Variants in DOCK5 observed in about 807,000 individuals in gnomAD.
DOCK5 encodes dedicator of cytokinesis 5, also known as dedicator of cytokinesis protein 5.
In DOCK5, 142 loss-of-function variants were observed where a neutral mutation model predicts 251.8. The ratio of observed to expected loss-of-function variants is 0.56; its 90% CI spans 0.49 to 0.65. DOCK5 has a LOEUF of 0.65. Ranked by LOEUF, DOCK5 falls within the 30% of genes least tolerant of loss-of-function variation. The pLI is 0.00. For synonymous variants in DOCK5, 842 were observed against 835.5 expected (o/e 1.01, Z -0.13); for missense variants, 2,111 against 2,312.3 (o/e 0.91, Z 1.79).
intron 1 of DOCK5, among the ~76,000 whole-genome samples, chr8:25,219,538 G>A (rs915921899): frequency 1.3e-5 from 2 of 152,114 alleles, no homozygotes; most frequent in African/African-American, 4.8e-5. Context: ...ATTGCATCCT[G>A]TAGTAACTCT....
chr8:25,268,356 T>G (rs554057541), intron 2 of DOCK5, among the ~76,000 whole-genome samples: 27 of 152,278 alleles, frequency 1.8e-4, no homozygotes, highest in Middle Eastern at 3.4e-3. Context: ...CTAGTTCAAT[T>G]TAAAATTTTT....
At chr8:25,410,024 C>A in intron 50 of DOCK5, 75 bp from the exon 51 acceptor site, 1 of 1,264,360 alleles carries the variant, frequency 7.9e-7, no homozygotes, top group Non-Finnish European at 1.1e-6. Flanking sequence ...TTAGGTGTTA[C>A]AGTGCCAGCA....
rs537974466 is a variant in DOCK5, at chr8:25,366,734, A to G, written c.3124-136A>G. ...TTTTAGGATTGAATAATCAAAACCT[A>G]AGAAGAATGTAGATTGTATTTTGTT... is the stretch of plus-strand genomic sequence containing the variant. On this transcript the variant is annotated intron_variant, in intron 30 of 51. Coordinates refer to ENST00000276440, the MANE Select transcript of DOCK5 (RefSeq NM_024940.8). 15 of 619,996 alleles carry G rather than the reference A, an allele frequency of 2.4e-5. No individual in the cohort carries two copies. The African/African-American group carries it at 2.8e-4, about 11-fold the overall frequency. 38.4% of individuals were successfully genotyped at this position (619,996 alleles called of 1,614,324 possible).
At chr8:25,269,549 A>C (rs1336114772) in intron 3 of DOCK5, among the ~76,000 whole-genome samples, 1 of 152,220 alleles carries the variant, frequency 6.6e-6, no homozygotes, top group East Asian at 1.9e-4. Context: ...TTTACTGTGC[A>C]ACAAAGGCAC....
chr8:25,344,383 G>A (rs1188605104), intron 25 of DOCK5, among the ~76,000 whole-genome samples: 2 of 152,184 alleles, frequency 1.3e-5, no homozygotes, highest in Non-Finnish European at 2.9e-5. Context: ...GGGGCTCCCA[G>A]AGTGTAACCT....
intron 1 of DOCK5, among the ~76,000 whole-genome samples, chr8:25,225,476 G>A (rs1282561558): frequency 6.6e-6 from 1 of 152,178 alleles, no homozygotes; most frequent in East Asian, 1.9e-4. Flanking sequence ...GGAGGCCAAG[G>A]CAGGCGGATC....
chr8:25,227,729 T>C (rs1802567491), intron 1 of DOCK5, among the ~76,000 whole-genome samples: 1 of 152,226 alleles, frequency 6.6e-6, no homozygotes, highest in Non-Finnish European at 1.5e-5. Flanking sequence ...GTGTATGTAT[T>C]TGTATGTCTC....
At chr8:25,372,118 G>A (rs1183737977) in intron 34 of DOCK5, among the ~76,000 whole-genome samples, 1 of 152,226 alleles carries the variant, frequency 6.6e-6, no homozygotes, top group Non-Finnish European at 1.5e-5. Flanking sequence ...ATGTTCAGAG[G>A]ATGCCCTGAG....
intron 27 of DOCK5, 109 bp from the exon 28 acceptor site, chr8:25,358,854 C>T: frequency 1.1e-6 from 1 of 874,108 alleles, no homozygotes; most frequent in Non-Finnish European, 1.9e-6. Flanking sequence ...TGGTGGGATA[C>T]CTGCGTGGCT....
Position 25,395,702 on chromosome 8 carries a change from T to A in DOCK5, c.4687T>A (p.Phe1563Ile). ...GIVDPAVMGG[F>I]SNYEKAFFTE... ...CGTGGACCCGGCCGTCATGGGGGGC[T>A]TCTCCAACTATGAAAAGGTTCGCTT... Residue 1563 changes from phenylalanine (F) to isoleucine (I), a missense_variant, in exon 45 of 52, where the codon TTC (phenylalanine) becomes ATC (isoleucine). By Grantham distance (21) the Phe-to-Ile change is conservative (BLOSUM62 0). Coordinates refer to ENST00000276440, the MANE Select transcript of DOCK5 (RefSeq NM_024940.8). 10 of 1,613,746 alleles carry A rather than the reference T, an allele frequency of 6.2e-6. No homozygotes were observed. Among genetic ancestry groups the A allele is most frequent in the Non-Finnish European group, 7.6e-6 (9 of 1,179,800 alleles).
At chr8:25,232,517 G>A (rs1046319998) in intron 1 of DOCK5, among the ~76,000 whole-genome samples, 3 of 152,190 alleles carry the variant, frequency 2.0e-5, no homozygotes, top group African/African-American at 7.2e-5. Flanking sequence ...CAAGGTCAAG[G>A]TTCCAGCATT....
chr8:25,291,913 C>T, intron 5 of DOCK5, 111 bp from the exon 6 acceptor site: 2 of 1,037,708 alleles, frequency 1.9e-6, no homozygotes, highest in African/African-American at 1.6e-5. Flanking sequence ...GATGTTCCCT[C>T]TCATCTGTCT....
chr8:25,315,149 T>TTTTTTTTTTTTTTTTTTGAGACA (rs1176590171), intron 13 of DOCK5, among the ~76,000 whole-genome samples: 1 of 140,184 alleles, frequency 7.1e-6, no homozygotes, highest in Non-Finnish European at 1.6e-5. Flanking sequence ...ATTCTTAATT[T>TTTTTTTTTTTTTTTTTTGAGACA]GCCCACCGGC....
rs1563201140 is a variant in DOCK5, at chr8:25,320,993, T to C, written c.1556T>C (p.Ile519Thr). Residue 519 changes from isoleucine (I) to threonine (T), a missense_variant, in exon 16 of 52, where the codon ATA (isoleucine) becomes ACA (threonine). Physicochemically the swap from Ile to Thr is moderately conservative, Grantham distance 89 (BLOSUM62 -1). Transcript: ENST00000276440. ...WYETVKVSIA[I>T]EEVTRCHIRF... ...ACTATGACACAGGTATCCATTGCTA[T>C]AGAAGAAGTCACACGCTGTCATATA... 1 of 1,613,444 alleles carries C rather than the reference T, an allele frequency of 6.2e-7. No individual in the cohort carries two copies. Among genetic ancestry groups the C allele is most frequent in the Non-Finnish European group, 8.5e-7 (1 of 1,179,638 alleles).
chr8:25,333,513 C>T (rs1182229521), intron 20 of DOCK5, among the ~76,000 whole-genome samples: 2 of 152,134 alleles, frequency 1.3e-5, no homozygotes, highest in Admixed American at 1.3e-4. Context: ...GAAACAGATT[C>T]CTGAGGGACA....
At chr8:25,269,401 C>G (rs1803845851) in intron 3 of DOCK5, among the ~76,000 whole-genome samples, 1 of 152,074 alleles carries the variant, frequency 6.6e-6, no homozygotes, top group African/African-American at 2.4e-5. Context: ...AAAAATGAAA[C>G]CGAAAAGTAG....
At chr8:25,275,906 A>G (rs1804033898) in intron 4 of DOCK5, among the ~76,000 whole-genome samples, 1 of 152,230 alleles carries the variant, frequency 6.6e-6, no homozygotes, top group African/African-American at 2.4e-5. Flanking sequence ...AGAAATGAAG[A>G]AAAACTTTTC....
chr8:25,243,847 T>C (rs1803024971), intron 2 of DOCK5, 90 bp downstream of exon 2: 10 of 1,218,180 alleles, frequency 8.2e-6, no homozygotes, highest in Non-Finnish European at 1.1e-5. Context: ...AACATCAACA[T>C]GCTTGACTTC....
Position 25,389,166 on chromosome 8 carries a change from C to G in DOCK5, c.4207C>G (p.Pro1403Ala), listed in dbSNP as rs1277120143. ...DFSLRLLTQFPNAEKMTSTTP... is the reference protein window; with the variant it reads ...DFSLRLLTQFANAEKMTSTTP... The stretch of plus-strand genomic sequence containing the variant: ...CAGCCTGAGGTTGTTAACCCAGTTC[C>G]CCAATGCGGAGAAGATGACCAGTAC... Residue 1403 changes from proline (P) to alanine (A), a missense_variant, in exon 41 of 52, where the codon CCC (proline) becomes GCC (alanine). Physicochemically the swap from Pro to Ala is conservative, Grantham distance 27 (BLOSUM62 -1). Around this residue, in one of 3 missense-constraint regions of DOCK5, gnomAD observed 1,717 missense variants for 1,892.4 expected, o/e 0.91. Coordinates refer to ENST00000276440, the MANE Select transcript of DOCK5 (RefSeq NM_024940.8). 2 of 1,613,964 alleles carry G rather than the reference C, an allele frequency of 1.2e-6. No homozygotes were observed. Among genetic ancestry groups the G allele is most frequent in the South Asian group, 2.2e-5 (2 of 91,090 alleles).
Sources: gnomAD v4.1 joint callset for allele counts (sites outside exome capture counted in the v4.1 genomes callset) on GRCh38, gnomAD v4.1.1 for gene constraint, gnomAD v4.1.1 regional missense constraint, MANE v1.5 for transcripts, NCBI Gene and HGNC (gene_info 2026-07-23, HGNC 2026-07-21) for gene names.